The following PTPRD variants were observed in gnomAD, a reference collection of about 807,000 sequenced individuals.
PTPRD encodes the protein protein tyrosine phosphatase receptor type D, also known as receptor-type tyrosine-protein phosphatase delta.
Under a neutral mutation model 214.5 loss-of-function variants are expected in PTPRD, and 34 were observed. That is an observed-to-expected ratio of 0.16 (90% CI 0.12 to 0.21). The LOEUF is 0.21. PTPRD is among the 10% of genes least tolerant of loss of function. PTPRD has a pLI of 1.00. For synonymous variants in PTPRD, 1,128 were observed against 845.7 expected (o/e 1.33, Z -5.79); for missense variants, 2,545 against 2,398.7 (o/e 1.06, Z -1.27).
chr9:10,603,847 G>A (rs1349482831), intron 2 of PTPRD, among the ~76,000 whole-genome samples: 1 of 151,786 alleles, frequency 6.6e-6, no homozygotes, highest in African/African-American at 2.4e-5. Flanking sequence ...ACAAAAAAGT[G>A]TAATTACATA....
At chr9:8,945,503 G>A (rs748264265) in intron 11 of PTPRD, among the ~76,000 whole-genome samples, 1 of 151,634 alleles carries the variant, frequency 6.6e-6, no homozygotes, top group African/African-American at 2.4e-5. Flanking sequence ...AATTCATCTT[G>A]CTCGCTAGAA....
intron 3 of PTPRD, among the ~76,000 whole-genome samples, chr9:10,036,747 C>T (rs991496398): frequency 1.3e-5 from 2 of 151,910 alleles, no homozygotes; most frequent in Non-Finnish European, 2.9e-5. Context: ...CCACACCCCA[C>T]TAATTTTTGT....
intron 7 of PTPRD, among the ~76,000 whole-genome samples, chr9:9,657,597 T>C (rs999505965): frequency 3.3e-5 from 5 of 152,170 alleles, no homozygotes; most frequent in Non-Finnish European, 5.9e-5. Context: ...ACTTGAAATA[T>C]AATAATAGTG....
At chr9:8,975,619 T>C (rs1193005762) in intron 11 of PTPRD, among the ~76,000 whole-genome samples, 1 of 151,986 alleles carries the variant, frequency 6.6e-6, no homozygotes, top group East Asian at 1.9e-4. Context: ...CATTGAACTA[T>C]GAGTAAGCCT....
At chr9:9,947,372 TATTA>T (rs1367568617) in intron 4 of PTPRD, among the ~76,000 whole-genome samples, 2 of 60,864 alleles carry the variant, frequency 3.3e-5, no homozygotes, top group African/African-American at 1.4e-4. Flanking sequence ...ATTATATATA[TATTA>T]TATATATTTT....
chr9:9,227,132 G>A (rs187733876), intron 9 of PTPRD, among the ~76,000 whole-genome samples: 1 of 152,178 alleles, frequency 6.6e-6, no homozygotes, highest in Admixed American at 6.6e-5. Context: ...ATGAGGTGAA[G>A]TAACTTGATC....
intron 27 of PTPRD, among the ~76,000 whole-genome samples, chr9:8,491,669 A>T (rs549457300): frequency 6.6e-6 from 1 of 151,732 alleles, no homozygotes; most frequent in Non-Finnish European, 1.5e-5. Context: ...AAAAAAAAAA[A>T]AAAAAAAAAG....
At chr9:9,181,300 A>T (rs1406827910) in intron 10 of PTPRD, among the ~76,000 whole-genome samples, 1 of 151,982 alleles carries the variant, frequency 6.6e-6, no homozygotes, top group African/African-American at 2.4e-5. Flanking sequence ...TCACTTTGAA[A>T]ATACAGTTAG....
intron 10 of PTPRD, among the ~76,000 whole-genome samples, chr9:9,040,102 A>G (rs1474063517): frequency 6.6e-6 from 1 of 152,184 alleles, no homozygotes; most frequent in South Asian, 2.1e-4. Context: ...AGGCTCACAG[A>G]TGTTCCTTAA....
intron 9 of PTPRD, among the ~76,000 whole-genome samples, chr9:9,388,248 G>T (rs2064583419): frequency 2.6e-5 from 4 of 152,048 alleles, no homozygotes. Context: ...CCAGGATGGG[G>T]GTTGTGGCAG....
intron 6 of PTPRD, among the ~76,000 whole-genome samples, chr9:9,759,821 T>C (rs186793604): frequency 3.5e-4 from 54 of 152,210 alleles, no homozygotes; most frequent in Admixed American, 1.3e-4. Context: ...GCTCCCAAAG[T>C]GCTGAGATTA....
chr9:8,428,840 G>A (rs988515797), intron 35 of PTPRD, among the ~76,000 whole-genome samples: 2 of 152,214 alleles, frequency 1.3e-5, no homozygotes, highest in African/African-American at 2.4e-5. Flanking sequence ...ACCTAATAAT[G>A]ATGACTGTTT....
chr9:9,564,609 C>G (rs79085029), intron 8 of PTPRD, among the ~76,000 whole-genome samples: 2,621 of 152,008 alleles, frequency 0.017, 43 homozygotes, highest in Admixed American at 0.025. Flanking sequence ...AATTTTCAAA[C>G]TTACTGAACC....
intron 8 of PTPRD, among the ~76,000 whole-genome samples, chr9:9,486,559 T>A (rs1037224536): frequency 3.3e-5 from 5 of 152,152 alleles, no homozygotes; most frequent in African/African-American, 1.2e-4. Context: ...TTTTCTTTTC[T>A]TTTTTGTTCT....
chr9:10,570,084 G>C (rs528387302), intron 2 of PTPRD, among the ~76,000 whole-genome samples: 1 of 151,476 alleles, frequency 6.6e-6, no homozygotes, highest in Non-Finnish European at 1.5e-5. Flanking sequence ...TTATATTCTT[G>C]GATTTTCTAA....
At chr9:9,369,643 T>G (rs1329210886) in intron 9 of PTPRD, among the ~76,000 whole-genome samples, 2 of 152,156 alleles carry the variant, frequency 1.3e-5, no homozygotes, top group African/African-American at 4.8e-5. Flanking sequence ...TTTTGGCTTT[T>G]GTTGCCATTG....
chr9:9,358,871 T>C (rs557205958), intron 9 of PTPRD, among the ~76,000 whole-genome samples: 3 of 151,344 alleles, frequency 2.0e-5, no homozygotes, highest in Non-Finnish European at 4.4e-5. Context: ...GAACCAACTC[T>C]GAGAAGCCCA....
At chr9:9,339,526 C>A (rs530543109) in intron 9 of PTPRD, among the ~76,000 whole-genome samples, 1 of 152,264 alleles carries the variant, frequency 6.6e-6, no homozygotes, top group East Asian at 1.9e-4. Flanking sequence ...ATCACTGGGT[C>A]TGATCTATTT....
At chr9:9,428,669 A>C (rs200960994) in intron 8 of PTPRD, among the ~76,000 whole-genome samples, 4 of 152,112 alleles carry the variant, frequency 2.6e-5, no homozygotes, top group African/African-American at 4.8e-5. Flanking sequence ...CACTCCTCAG[A>C]AAATGTAAAA....
Sources: gnomAD v4.1 joint callset for allele counts (sites outside exome capture counted in the v4.1 genomes callset) on GRCh38, gnomAD v4.1.1 for gene constraint, MANE v1.5 for transcripts, NCBI Gene and HGNC (gene_info 2026-07-23, HGNC 2026-07-21) for gene names.